The following CAST variants were observed in gnomAD, a reference collection of about 807,000 sequenced individuals.
CAST encodes calpastatin.
Under a neutral mutation model 119.6 loss-of-function variants are expected in CAST, and 76 were observed. The ratio of observed to expected loss-of-function variants is 0.64; its 90% CI spans 0.53 to 0.77. The LOEUF (loss-of-function observed/expected upper bound fraction) is 0.77, where lower values mean the gene tolerates loss of function less well. Among genes scored for constraint, CAST ranks in the 30% least tolerant of loss-of-function variants. The pLI is 0.00. For missense variants in CAST, 953 were observed against 946.5 expected (o/e 1.01, Z -0.09); for synonymous variants, 319 against 331.6 (o/e 0.96, Z 0.41).
At chr5:96,393,520 A>G in the CAST span, 1 of 1,000,676 alleles carries the variant, frequency 1.0e-6, no homozygotes, top group Non-Finnish European at 1.5e-6. Context: ...ACTGGGAGCC[A>G]CATGGACTTG....
At chr5:96,625,031 A>T (rs998877954) in intron 1 of CAST, among the ~76,000 whole-genome samples, 1 of 152,214 alleles carries the variant, frequency 6.6e-6, no homozygotes, top group East Asian at 1.9e-4. Flanking sequence ...CCCTGTGATG[A>T]TGCCTTATTT....
chr5:96,502,386 C>T, the CAST span, among the ~76,000 whole-genome samples: 3 of 151,996 alleles, frequency 2.0e-5, no homozygotes, highest in African/African-American at 7.2e-5. Flanking sequence ...CAGGACAGGA[C>T]TGAGTTCATA....
chr5:96,589,737 A>G (rs1223650194), intron 1 of CAST, among the ~76,000 whole-genome samples: 1 of 152,232 alleles, frequency 6.6e-6, no homozygotes, highest in African/African-American at 2.4e-5. Context: ...AATTTTTAAC[A>G]TAATTATGCT....
At chr5:96,485,790 A>G in the CAST span, among the ~76,000 whole-genome samples, 15 of 152,146 alleles carry the variant, frequency 9.9e-5, no homozygotes, top group African/African-American at 3.6e-4. Flanking sequence ...ACCCCAGTCA[A>G]AAGTTTTTCT....
At chr5:96,699,993 T>C (rs991726730) in intron 3 of CAST, among the ~76,000 whole-genome samples, 8 of 152,182 alleles carry the variant, frequency 5.3e-5, no homozygotes, top group Admixed American at 1.3e-4. Context: ...AGAAATACTT[T>C]CGTGATTTGG....
At position 96,754,344 on chromosome 5, in the gene CAST, C is replaced by G. The variant is rs192174765; in HGVS notation, c.1626+183C>G. 5.6e-3 allele frequency among the ~76,000 whole-genome samples: 855 copies of G among 152,284 alleles called. 6 individuals carry two copies. The highest frequency in any genetic ancestry group is 0.01 in the Non-Finnish European group (696 of 68,018). ...CTGAATAAGCTGCAGTGTTGAACCC[C>G]CACAGTGGATGGTCGACATGCACAG... On this transcript the variant is annotated intron_variant, in intron 21 of 31. Coordinates refer to ENST00000675179, the MANE Select transcript of CAST (RefSeq NM_001750.7).
intron 3 of CAST, among the ~76,000 whole-genome samples, chr5:96,697,429 A>G (rs1424768359): frequency 6.6e-6 from 1 of 152,166 alleles, no homozygotes; most frequent in Non-Finnish European, 1.5e-5. Flanking sequence ...TGGTGCCCAA[A>G]CCAATAATCA....
At chr5:96,316,741 G>A in the CAST span, among the ~76,000 whole-genome samples, 1 of 152,148 alleles carries the variant, frequency 6.6e-6, no homozygotes, top group Non-Finnish European at 1.5e-5. Flanking sequence ...TCTGACCTAA[G>A]CCACCCAGGG....
chr5:96,706,849 C>T (rs950853142), intron 3 of CAST, among the ~76,000 whole-genome samples: 4 of 152,186 alleles, frequency 2.6e-5, no homozygotes, highest in Non-Finnish European at 5.9e-5. Flanking sequence ...TGTAGACAGA[C>T]TGGATTTCCA....
chr5:96,472,956 C>T, the CAST span, among the ~76,000 whole-genome samples: 6 of 152,106 alleles, frequency 3.9e-5, no homozygotes, highest in Non-Finnish European at 5.9e-5. Flanking sequence ...CATAGCAGCC[C>T]GAAGCATTCC....
chr5:95,996,868 T>C, the CAST span, among the ~76,000 whole-genome samples: 1 of 152,130 alleles, frequency 6.6e-6, no homozygotes, highest in Non-Finnish European at 1.5e-5. Context: ...GTACACATTT[T>C]TCATCCTTAT....
At chr5:96,550,202 C>G (rs1349667581) in intron 1 of CAST, among the ~76,000 whole-genome samples, 1 of 152,194 alleles carries the variant, frequency 6.6e-6, no homozygotes, top group African/African-American at 2.4e-5. Flanking sequence ...TGGAATGAAG[C>G]CTCCAGAGAA....
At chr5:96,692,465 T>C (rs1016274446) in intron 2 of CAST, among the ~76,000 whole-genome samples, 1 of 152,152 alleles carries the variant, frequency 6.6e-6, no homozygotes, top group African/African-American at 2.4e-5. Flanking sequence ...AGAATAAATA[T>C]TTGATCCTGC....
chr5:96,617,714 C>T (rs980365175), intron 1 of CAST, among the ~76,000 whole-genome samples: 1 of 139,540 alleles, frequency 7.2e-6, no homozygotes, highest in Non-Finnish European at 1.5e-5. Flanking sequence ...ATGGCGTGAA[C>T]CCGGGAGGCG....
At chr5:96,508,949 AT>A in the CAST span, among the ~76,000 whole-genome samples, 2 of 152,184 alleles carry the variant, frequency 1.3e-5, no homozygotes, top group Non-Finnish European at 2.9e-5. Context: ...GTAAAGAGGA[AT>A]TTAGAATAAT....
intron 1 of CAST, chr5:96,663,128 G>C: frequency 1.4e-6 from 1 of 702,618 alleles, no homozygotes; most frequent in Non-Finnish European, 2.6e-6. Context: ...GAGCCAGCCG[G>C]TTGTTGCCAT....
At chr5:96,432,343 C>T in the CAST span, among the ~76,000 whole-genome samples, 1 of 152,312 alleles carries the variant, frequency 6.6e-6, no homozygotes, top group South Asian at 2.1e-4. Flanking sequence ...CTTCCAATGC[C>T]CTGGGCGTGC....
At chr5:96,052,053 A>G in the CAST span, among the ~76,000 whole-genome samples, 15 of 152,280 alleles carry the variant, frequency 9.9e-5, no homozygotes, top group African/African-American at 3.6e-4. Flanking sequence ...CAGGGGAGAG[A>G]ATGTAAGTGA....
chr5:96,703,703 T>C (rs1754354221), intron 3 of CAST, among the ~76,000 whole-genome samples: 1 of 152,152 alleles, frequency 6.6e-6, no homozygotes, highest in South Asian at 2.1e-4. Flanking sequence ...TCTAGTTTTC[T>C]AGGAAACCAC....
Sources: allele counts gnomAD v4.1 joint callset (sites outside exome capture counted in the v4.1 genomes callset), GRCh38; gene constraint gnomAD v4.1.1; transcripts MANE v1.5; gene names NCBI Gene and HGNC (gene_info 2026-07-23, HGNC 2026-07-21).